Variants in ZFR observed in about 807,000 individuals in gnomAD.
ZFR encodes the protein zinc finger RNA binding protein, also known as zinc finger RNA-binding protein.
Under a neutral mutation model 130.7 loss-of-function variants are expected in ZFR, and 19 were observed. That is an observed-to-expected ratio of 0.15 (90% confidence interval 0.10 to 0.21). The LOEUF is 0.21. Ranked by LOEUF, ZFR falls within the 10% of genes least tolerant of loss-of-function variation. The probability of loss-of-function intolerance (pLI) is 1.00; values close to 1 mark genes in which losing one functional copy is unlikely to be tolerated. For synonymous variants in ZFR, 466 were observed against 456.9 expected (o/e 1.02, Z -0.25); for missense variants, 872 against 1,321.5 (o/e 0.66, Z 5.27).
intron 17 of ZFR, among the ~76,000 whole-genome samples, chr5:32,369,372 G>A (rs1752611237): frequency 6.6e-6 from 1 of 152,134 alleles, no homozygotes; most frequent in Non-Finnish European, 1.5e-5. Context: ...AGTAAAATAC[G>A]TGAAAAGAAA....
chr5:32,398,359 G>A lies in ZFR; in HGVS notation c.1714-1021C>T, dbSNP rs139480999. 3.0e-3 allele frequency among the ~76,000 whole-genome samples: 461 copies of A among 152,276 alleles called. 9 individuals carry two copies. The highest frequency in any genetic ancestry group is 0.021 in the Admixed American group (323 of 15,294). ...AGGTTTTATAATATGTAACTTTATGGAAAATTAAGATGAAATTTTTTCTAA... is the reference window on the plus strand; with the variant it reads ...AGGTTTTATAATATGTAACTTTATGAAAAATTAAGATGAAATTTTTTCTAA... On this transcript the variant is annotated intron_variant, in intron 9 of 19. Coordinates refer to ENST00000265069, the MANE Select transcript of ZFR (RefSeq NM_016107.5).
In ZFR at chr5:32,403,115, T is replaced by G. The variant is rs1326680844; in HGVS notation, c.1507A>C (p.Asn503His). ...AAKKTSTPKI[N>H]FVGGNKLQST... ...GAATATCAGTACTTGCCAACAAAAT[T>G]TATTTTGGGGGTAGATGTTTTCTTG... The change falls in exon 8 of 20, where the codon AAT (asparagine) becomes CAT (histidine). Residue 503 changes from asparagine to histidine, a missense_variant. Asn to His is a moderately conservative substitution (Grantham distance 68). This residue lies in a region of ZFR where 143 missense variants were observed against 137.9 expected (regional missense o/e 1.04). Coordinates refer to ENST00000265069, the MANE Select transcript of ZFR (RefSeq NM_016107.5). The G allele has an allele frequency of 1.2e-5, 20 of 1,613,582 alleles. No homozygotes were observed. Among genetic ancestry groups the G allele is most frequent in the East Asian group, 2.2e-5 (1 of 44,870 alleles).
intron 9 of ZFR, among the ~76,000 whole-genome samples, chr5:32,399,377 GGGAATATCCCA>G (rs2111764040): frequency 1.3e-5 from 2 of 152,270 alleles, no homozygotes; most frequent in Non-Finnish European, 1.5e-5. Flanking sequence ...AACTTTGTTA[GGGAATATCCCA>G]ATTTTATAGA....
chr5:32,390,261 A>G lies in ZFR; in HGVS notation c.2142+14T>C, dbSNP rs1561882165. 1 of 1,607,314 alleles carries G rather than the reference A, an allele frequency of 6.2e-7. No homozygotes were observed. The highest frequency in any genetic ancestry group is 8.5e-7 in the Non-Finnish European group (1 of 1,174,964). On this transcript the variant is annotated intron_variant, in intron 12 of 19. Coordinates refer to ENST00000265069, the MANE Select transcript of ZFR (RefSeq NM_016107.5). The stretch of plus-strand genomic sequence containing the variant: ...CAAACTTTCACCCCTTGTATCACCA[A>G]CGTGGACACTCACTGCAGGCCCCTG...
At chr5:32,377,475 C>T (rs935080420) in intron 17 of ZFR, among the ~76,000 whole-genome samples, 2 of 149,710 alleles carry the variant, frequency 1.3e-5, no homozygotes, top group Non-Finnish European at 3.0e-5. Context: ...CCACCGTGCC[C>T]GGCAAAATGT....
intron 3 of ZFR, among the ~76,000 whole-genome samples, chr5:32,419,295 C>A (rs1029136800): frequency 6.6e-6 from 1 of 151,740 alleles, no homozygotes; most frequent in African/African-American, 2.4e-5. Context: ...GTCAAATGGA[C>A]GGGGGGTGAG....
chr5:32,388,100 A>G (rs1219452531), intron 13 of ZFR, among the ~76,000 whole-genome samples: 1 of 152,246 alleles, frequency 6.6e-6, no homozygotes, highest in East Asian at 1.9e-4. Flanking sequence ...CTTTACAGTC[A>G]GTGCTTTAAG....
chr5:32,416,185 TACAC>T (rs1395252514), intron 4 of ZFR, among the ~76,000 whole-genome samples: 20 of 152,200 alleles, frequency 1.3e-4, no homozygotes, highest in Non-Finnish European at 2.9e-5. Flanking sequence ...CTAAACAACT[TACAC>T]AAGTCACAGC....
intron 11 of ZFR, among the ~76,000 whole-genome samples, chr5:32,393,767 T>A (rs927194785): frequency 6.6e-6 from 1 of 152,218 alleles, no homozygotes; most frequent in African/African-American, 2.4e-5. Flanking sequence ...AGTTATGCTA[T>A]CCAGTATAGG....
intron 8 of ZFR, among the ~76,000 whole-genome samples, chr5:32,400,507 A>C (rs1753425801): frequency 6.6e-6 from 1 of 152,194 alleles, no homozygotes; most frequent in East Asian, 1.9e-4. Context: ...TTGTAGCCCT[A>C]GTTTCTTGGC....
At chr5:32,357,182 C>T (rs570480400) in intron 19 of ZFR, among the ~76,000 whole-genome samples, 5 of 151,972 alleles carry the variant, frequency 3.3e-5, no homozygotes, top group East Asian at 1.9e-4. Flanking sequence ...GGGGTATTTT[C>T]GCCATGTTGC....
At chr5:32,430,079 C>CAG (rs376909635) in intron 2 of ZFR, among the ~76,000 whole-genome samples, 3 of 70,314 alleles carry the variant, frequency 4.3e-5, no homozygotes, top group Non-Finnish European at 7.7e-5. Context: ...GACCCTATTT[C>CAG]AAAAAAAAAA....
At chr5:32,415,310 A>G in intron 4 of ZFR, 123 bp from the exon 5 acceptor site, 7 of 802,164 alleles carry the variant, frequency 8.7e-6, no homozygotes, top group Non-Finnish European at 1.2e-5. Flanking sequence ...TTATGCCAGC[A>G]ATTTCTCCTT....
intron 5 of ZFR, among the ~76,000 whole-genome samples, chr5:32,408,582 C>T (rs1753629330): frequency 6.6e-6 from 1 of 152,144 alleles, no homozygotes; most frequent in South Asian, 2.1e-4. Context: ...CATTTCTCTA[C>T]AGTAAAATTT....
chr5:32,403,354 G>A lies in ZFR; in HGVS notation c.1268C>T (p.Thr423Ile). ...AGCTTGGCTAACAACATTTGGTTCT[G>A]TTGATGGAATGGGTTTACCAAGTTT... ...HTKLGKPIPS[T>I]EPNVVSQATS... Residue 423 changes from threonine (T) to isoleucine (I), a missense_variant, in exon 8 of 20, where the codon ACA becomes ATA. Coordinates refer to ENST00000265069, the MANE Select transcript of ZFR (RefSeq NM_016107.5). 6.2e-7 allele frequency: 1 copy of A among 1,614,132 alleles called. No individual in the cohort carries two copies.
intron 15 of ZFR, among the ~76,000 whole-genome samples, chr5:32,382,404 C>T (rs970343258): frequency 2.0e-5 from 3 of 152,166 alleles, no homozygotes; most frequent in Non-Finnish European, 4.4e-5. Flanking sequence ...GAACCTCTTT[C>T]TATGTCCCTT....
chr5:32,403,030 A>G, intron 8 of ZFR, 76 bp downstream of exon 8: 1 of 1,450,384 alleles, frequency 6.9e-7, no homozygotes, highest in East Asian at 2.3e-5. Flanking sequence ...GAACACAGGG[A>G]GAAGGGTTAG....
Position 32,411,297 on chromosome 5 carries a change from T to C in ZFR, c.784+3672A>G, listed in dbSNP as rs189039708. The stretch of plus-strand genomic sequence containing the variant: ...ATCTCACTGGGCAAATTTAAAACTG[T>C]GTGAGCCTCAAAGAGAGAAATGAGA... On this transcript the variant is annotated intron_variant, in intron 5 of 19. Coordinates refer to ENST00000265069, the MANE Select transcript of ZFR (RefSeq NM_016107.5). Among the ~76,000 whole-genome samples, 560 of 152,284 alleles carry C rather than the reference T, an allele frequency of 3.7e-3. 6 individuals carry two copies. The highest frequency in any genetic ancestry group is 0.013 in the African/African-American group (530 of 41,538).
intron 2 of ZFR, among the ~76,000 whole-genome samples, chr5:32,432,863 G>A (rs945027096): frequency 2.6e-5 from 4 of 151,324 alleles, no homozygotes; most frequent in African/African-American, 7.3e-5. Flanking sequence ...TAAGTAGCTG[G>A]GACCACAGGT....
Sources: gnomAD v4.1 joint callset for allele counts (sites outside exome capture counted in the v4.1 genomes callset) on GRCh38, gnomAD v4.1.1 for gene constraint, gnomAD v4.1.1 regional missense constraint, MANE v1.5 for transcripts, NCBI Gene and HGNC (gene_info 2026-07-23, HGNC 2026-07-21) for gene names.